LARP4B: variants seen among roughly 807,000 people sequenced by gnomAD.
The protein encoded by LARP4B is la-related protein 4B.
A neutral mutation model predicts 89.8 loss-of-function variants in LARP4B; 12 were observed. The observed-to-expected ratio is 0.13, with a 90% CI of 0.09 to 0.22. LARP4B has a LOEUF of 0.22. LARP4B is among the 10% of genes least tolerant of loss of function. The pLI is 1.00. For synonymous variants in LARP4B, 367 were observed against 363.3 expected, an observed-to-expected ratio of 1.01 and a Z score of -0.12; for missense variants, 757 against 947.7, an observed-to-expected ratio of 0.80 and a Z score of 2.64.
intron 14 of LARP4B, chr10:818,109 T>G: frequency 2.0e-6 from 1 of 495,376 alleles, no homozygotes; most frequent in Non-Finnish European, 3.6e-6. Context: ...AAGAGATGTG[T>G]CACAAAGGAC....
chr10:829,182 G>A (rs1832770842), intron 11 of LARP4B, among the ~76,000 whole-genome samples: 1 of 152,196 alleles, frequency 6.6e-6, no homozygotes, highest in South Asian at 2.1e-4. Flanking sequence ...GGCTGTGCAA[G>A]GATTGTGCTC....
chr10:931,487 G>A lies in LARP4B; in HGVS notation c.-99C>T, dbSNP rs1169152909. The A allele has an allele frequency of 6.7e-6, 1 of 149,100 alleles. No individual in the cohort carries two copies. The highest frequency in any genetic ancestry group is 1.5e-5 in the Non-Finnish European group (1 of 66,630). The allele number at this position is 149,100 out of a possible 1,614,324, so 9.2% of individuals were successfully genotyped here. The stretch of plus-strand genomic sequence containing the variant: ...CGCGGGCTCCTCGCCTCAACCCCGG[G>A]GCCCGGCGGCCGCGCCACACGCGGG... On this transcript the variant is annotated 5_prime_UTR_variant, in exon 1 of 18. Coordinates refer to ENST00000316157, the MANE Select transcript of LARP4B (RefSeq NM_015155.3).
At chr10:866,093 AGGC>A (rs1187877258) in intron 3 of LARP4B, among the ~76,000 whole-genome samples, 5 of 152,228 alleles carry the variant, frequency 3.3e-5, no homozygotes, top group African/African-American at 4.8e-5. Flanking sequence ...AACTGAGAGA[AGGC>A]AGCTGATGTG....
At chr10:874,519 A>G (rs1253458440) in intron 3 of LARP4B, among the ~76,000 whole-genome samples, 1 of 152,236 alleles carries the variant, frequency 6.6e-6, no homozygotes, top group African/African-American at 2.4e-5. Context: ...CTCATGTACT[A>G]TGTGGTCCAG....
upstream of LARP4B, among the ~76,000 whole-genome samples, chr10:933,873 C>G (rs35693858): frequency 1.3e-5 from 2 of 151,550 alleles, no homozygotes; most frequent in Admixed American, 1.3e-4. Flanking sequence ...CCCTCTGTCA[C>G]CCCGGCTGGA....
At chr10:983,630 A>G in the LARP4B span, among the ~76,000 whole-genome samples, 1 of 152,054 alleles carries the variant, frequency 6.6e-6, no homozygotes, top group Admixed American at 6.6e-5. Flanking sequence ...TTTTCTCATA[A>G]GTGTGCTAAT....
At chr10:825,956 G>A in intron 11 of LARP4B, 86 bp from the exon 12 acceptor site, 2 of 874,118 alleles carry the variant, frequency 2.3e-6, no homozygotes, top group Non-Finnish European at 3.7e-6. Context: ...GGAAACTGAG[G>A]GCATTTCTTG....
intron 1 of LARP4B, among the ~76,000 whole-genome samples, chr10:917,603 G>C (rs987885655): frequency 6.6e-6 from 1 of 152,190 alleles, no homozygotes; most frequent in Non-Finnish European, 1.5e-5. Flanking sequence ...GGTTCCTGAT[G>C]TGCAGCAAGT....
the LARP4B span, among the ~76,000 whole-genome samples, chr10:945,720 T>G: frequency 6.6e-6 from 1 of 151,836 alleles, no homozygotes; most frequent in Non-Finnish European, 1.5e-5. Flanking sequence ...TTAGCATTAC[T>G]ATGTGTTAGG....
intron 1 of LARP4B, among the ~76,000 whole-genome samples, chr10:888,911 C>T (rs1835938675): frequency 6.6e-6 from 1 of 152,084 alleles, no homozygotes; most frequent in Admixed American, 6.6e-5. Flanking sequence ...CATGGCGACA[C>T]TCATCTCTAC....
intron 7 of LARP4B, among the ~76,000 whole-genome samples, chr10:837,965 G>A (rs962476428): frequency 6.6e-6 from 1 of 151,364 alleles, no homozygotes; most frequent in Non-Finnish European, 1.5e-5. Context: ...TGTACACTTA[G>A]AGAGCATATT....
At chr10:852,058 CT>C (rs2131782221) in intron 5 of LARP4B, among the ~76,000 whole-genome samples, 1 of 152,128 alleles carries the variant, frequency 6.6e-6, no homozygotes, top group South Asian at 2.1e-4. Context: ...GAGCAAGACT[CT>C]GTGAGCAACT....
intron 1 of LARP4B, among the ~76,000 whole-genome samples, chr10:897,987 CAAAAAAAAAAAA>C (rs58452748): frequency 7.8e-4 from 20 of 25,626 alleles, no homozygotes; most frequent in African/African-American, 2.7e-3. Flanking sequence ...GGCTCCATCT[CAAAAAAAAAAAA>C]AAAAAAAAAA....
downstream of LARP4B, chr10:808,631 GA>G (rs1231560949): frequency 6.6e-6 from 1 of 152,032 alleles, no homozygotes; most frequent in Admixed American, 6.5e-5. Context: ...GGTGATACTG[GA>G]AAAAGAAACT....
At chr10:906,583 C>G (rs7908590) in intron 1 of LARP4B, among the ~76,000 whole-genome samples, 7,088 of 152,280 alleles carry the variant, frequency 0.047, 239 homozygotes, top group Middle Eastern at 0.14. Flanking sequence ...TCCTTGTCTC[C>G]TTGAGTTATG....
the LARP4B span, among the ~76,000 whole-genome samples, chr10:940,260 G>T: frequency 6.6e-6 from 1 of 151,796 alleles, no homozygotes; most frequent in Non-Finnish European, 1.5e-5. Context: ...CAGGTAATCC[G>T]CCTGCCTTGG....
intron 1 of LARP4B, among the ~76,000 whole-genome samples, chr10:889,418 T>C (rs573054725): frequency 1.3e-5 from 2 of 151,950 alleles, no homozygotes; most frequent in East Asian, 1.9e-4. Context: ...CAGGAAGACA[T>C]GCAAATCCAC....
chr10:960,160 G>A, the LARP4B span, among the ~76,000 whole-genome samples: 5 of 152,140 alleles, frequency 3.3e-5, no homozygotes, highest in South Asian at 2.1e-4. Context: ...CGAGTCCAAC[G>A]ACAGAACGTT....
rs114628357 is a variant in LARP4B at position 910,615 on chromosome 10, T to C, written c.-40+20813A>G. On this transcript the variant is annotated intron_variant, in intron 1 of 17. Transcript: ENST00000316157. ...GCTTTGCTGTCTTTGGACAAGAGAC[T>C]GGGGTGAAGAGTTCCGCAGACAACT... Among the ~76,000 whole-genome samples, 1,012 of 152,304 alleles carry C rather than the reference T, an allele frequency of 6.6e-3. 10 individuals are homozygous for C. Among genetic ancestry groups the C allele is most frequent in the African/African-American group, 0.022 (904 of 41,556 alleles).
Sources: allele counts gnomAD v4.1 joint callset (sites outside exome capture counted in the v4.1 genomes callset), GRCh38; gene constraint gnomAD v4.1.1; transcripts MANE v1.5; gene names NCBI Gene and HGNC (gene_info 2026-07-23, HGNC 2026-07-21).